COMMD10: variants seen among roughly 807,000 people sequenced by gnomAD.
COMMD10 encodes COMM domain-containing protein 10.
A neutral mutation model predicts 28.9 loss-of-function variants in COMMD10; 33 were observed. That is an observed-to-expected ratio of 1.14 (90% CI 0.87 to 1.53). The LOEUF (loss-of-function observed/expected upper bound fraction) is 1.53, where lower values mean the gene tolerates loss of function less well. COMMD10 is among the 40% of genes most tolerant of loss of function. The probability of loss-of-function intolerance (pLI) is 0.00; values close to 1 mark genes in which losing one functional copy is unlikely to be tolerated. For missense variants in COMMD10, 310 were observed against 233.4 expected (o/e 1.33, Z -2.14); for synonymous variants, 110 against 81.7 (o/e 1.35, Z -1.87).
chr5:116,287,579 T>C (rs1487124730), intron 5 of COMMD10, among the ~76,000 whole-genome samples: 1 of 151,784 alleles, frequency 6.6e-6, no homozygotes, highest in East Asian at 1.9e-4. Flanking sequence ...ACATTTAAAA[T>C]AATTACCGAT....
intron 4 of COMMD10, among the ~76,000 whole-genome samples, chr5:116,131,626 C>T (rs1751865750): frequency 6.6e-6 from 1 of 151,980 alleles, no homozygotes; most frequent in Non-Finnish European, 1.5e-5. Context: ...AGTGTTGACT[C>T]TGTCAGAGGC....
chr5:116,241,369 G>A (rs939284115), intron 5 of COMMD10, among the ~76,000 whole-genome samples: 6 of 152,052 alleles, frequency 3.9e-5, no homozygotes, highest in African/African-American at 1.4e-4. Context: ...TAAAGTAAAT[G>A]GCAAGCCCCA....
chr5:116,147,647 A>T (rs1456504606), intron 5 of COMMD10, among the ~76,000 whole-genome samples: 1 of 151,866 alleles, frequency 6.6e-6, no homozygotes, highest in East Asian at 1.9e-4. Context: ...ATGACATGTA[A>T]TGGGTGAAGA....
intron 5 of COMMD10, among the ~76,000 whole-genome samples, chr5:116,239,898 G>T (rs1019510443): frequency 6.6e-6 from 1 of 152,060 alleles, no homozygotes; most frequent in African/African-American, 2.4e-5. Flanking sequence ...CAACTGATTG[G>T]CACTATCTAC....
intron 5 of COMMD10, among the ~76,000 whole-genome samples, chr5:116,255,453 T>A (rs1260059240): frequency 5.3e-5 from 8 of 151,686 alleles, no homozygotes; most frequent in African/African-American, 1.9e-4. Context: ...TTCCTTTCCG[T>A]GTTTAGTGCT....
At chr5:116,214,582 T>A (rs1749051722) in intron 5 of COMMD10, among the ~76,000 whole-genome samples, 1 of 152,146 alleles carries the variant, frequency 6.6e-6, no homozygotes, top group South Asian at 2.1e-4. Context: ...TTCTTCAAGG[T>A]GTTCTATGTG....
At chr5:116,202,075 C>T (rs1016059374) in intron 5 of COMMD10, among the ~76,000 whole-genome samples, 5 of 142,746 alleles carry the variant, frequency 3.5e-5, no homozygotes, top group African/African-American at 1.0e-4. Context: ...TGTGATGTTC[C>T]CCTTCCTGTG....
intron 5 of COMMD10, among the ~76,000 whole-genome samples, chr5:116,284,065 G>A (rs752001644): frequency 6.6e-6 from 1 of 151,914 alleles, no homozygotes; most frequent in Admixed American, 6.5e-5. Flanking sequence ...GAGTTAGTTC[G>A]AGGCTGCAGT....
chr5:116,206,372 C>T (rs186745285), intron 5 of COMMD10, among the ~76,000 whole-genome samples: 40 of 152,108 alleles, frequency 2.6e-4, no homozygotes, highest in Middle Eastern at 3.4e-3. Context: ...AGACGGTGGT[C>T]GGGCACGGTG....
intron 4 of COMMD10, among the ~76,000 whole-genome samples, chr5:116,111,637 T>A (rs4921064): frequency 0.74 from 111,748 of 151,968 alleles, 41,522 homozygotes; most frequent in Non-Finnish European, 0.8. Context: ...GTCTGAGAAG[T>A]TACTTGGTAT....
chr5:116,292,456 G>T lies in COMMD10; in HGVS notation c.576G>T (p.Glu192Asp). 2.6e-6 allele frequency: 4 copies of T among 1,543,576 alleles called. No individual in the cohort carries two copies. The highest frequency in any genetic ancestry group is 1.7e-6 in the Non-Finnish European group (2 of 1,144,158). Residue 192 changes from glutamate to aspartate, a missense_variant, in exon 7 of 7, where the codon GAG becomes GAT. Physicochemically the swap from Glu to Asp is conservative, Grantham distance 45. Coordinates refer to ENST00000274458, the MANE Select transcript of COMMD10 (RefSeq NM_016144.4). ...KELFDFYNKLETIQAQLDSLT is the reference protein window; with the variant it reads ...KELFDFYNKLDTIQAQLDSLT ...TTTTTTGTCTTTGTAAATAGCTAGA[G>T]ACTATACAAGCACAGCTGGATTCCC...
chr5:116,278,422 C>A (rs1750976192), intron 5 of COMMD10, among the ~76,000 whole-genome samples: 1 of 151,604 alleles, frequency 6.6e-6, no homozygotes, highest in Non-Finnish European at 1.5e-5. Context: ...TTGATTGGCT[C>A]CAAGTTTGTG....
At chr5:116,178,391 T>A (rs1479042319) in intron 5 of COMMD10, among the ~76,000 whole-genome samples, 2 of 152,126 alleles carry the variant, frequency 1.3e-5, no homozygotes, top group African/African-American at 4.8e-5. Flanking sequence ...ACTTACTTTA[T>A]AAAATTGTTC....
Position 116,292,444 on chromosome 5 carries a change from T to A in COMMD10, c.571-7T>A. The A allele has an allele frequency of 6.7e-7, 1 of 1,492,204 alleles. No homozygotes were observed. Among genetic ancestry groups the A allele is most frequent in the Non-Finnish European group, 8.9e-7 (1 of 1,120,098 alleles). 92.4% of individuals were successfully genotyped at this position (1,492,204 alleles called of 1,614,324 possible). ...ACGTCTTTTTTTTTTTTTGTCTTTG[T>A]AAATAGCTAGAGACTATACAAGCAC... is the stretch of plus-strand genomic sequence containing the variant. On this transcript the variant is annotated splice_polypyrimidine_tract_variant and splice_region_variant and intron_variant, in intron 6 of 6. Transcript: ENST00000274458.
chr5:116,117,975 A>G (rs1751297800), intron 4 of COMMD10, among the ~76,000 whole-genome samples: 1 of 152,082 alleles, frequency 6.6e-6, no homozygotes, highest in Admixed American at 6.6e-5. Flanking sequence ...CATGTTACTC[A>G]TTGTAGAAGT....
chr5:116,290,375 G>A (rs1047030856), intron 5 of COMMD10, among the ~76,000 whole-genome samples: 4 of 110,736 alleles, frequency 3.6e-5, no homozygotes, highest in African/African-American at 5.4e-5. Flanking sequence ...TAAAGCTTAA[G>A]TACTTAGATA....
At chr5:116,103,772 T>C (rs929914388) in intron 4 of COMMD10, among the ~76,000 whole-genome samples, 1 of 152,166 alleles carries the variant, frequency 6.6e-6, no homozygotes. Context: ...TAGGTTTTCT[T>C]TTAGGGTTTT....
intron 5 of COMMD10, among the ~76,000 whole-genome samples, chr5:116,154,944 A>T (rs1313992745): frequency 6.6e-6 from 1 of 152,078 alleles, no homozygotes; most frequent in Admixed American, 6.6e-5. Flanking sequence ...CCAGTATAAC[A>T]TTTCTAAATA....
intron 5 of COMMD10, among the ~76,000 whole-genome samples, chr5:116,168,407 T>A (rs926177001): frequency 4.6e-5 from 7 of 151,966 alleles, no homozygotes; most frequent in African/African-American, 1.7e-4. Flanking sequence ...AACACCACAC[T>A]TTCGATATTA....
Sources: allele counts gnomAD v4.1 joint callset (sites outside exome capture counted in the v4.1 genomes callset), GRCh38; gene constraint gnomAD v4.1.1; transcripts MANE v1.5; gene names NCBI Gene and HGNC (gene_info 2026-07-23, HGNC 2026-07-21).